Variants in GSG1L observed in about 807,000 individuals in gnomAD.
GSG1L encodes germ cell-specific gene 1-like protein.
GSG1L carries 24 observed loss-of-function variants against 42.1 expected under a neutral mutation model. The ratio of observed to expected loss-of-function variants is 0.57; its 90% CI spans 0.41 to 0.80. The LOEUF is 0.80. Among genes scored for constraint, GSG1L ranks in the 30% least tolerant of loss-of-function variants. The probability of loss-of-function intolerance (pLI) is 0.00; values close to 1 mark genes in which losing one functional copy is unlikely to be tolerated. For synonymous variants in GSG1L, 215 were observed against 203.5 expected (o/e 1.06, Z -0.48); for missense variants, 445 against 472.2 (o/e 0.94, Z 0.53).
At chr16:27,808,977 C>T (rs557793166) in intron 5 of GSG1L, among the ~76,000 whole-genome samples, 4 of 152,262 alleles carry the variant, frequency 2.6e-5, no homozygotes, top group South Asian at 2.1e-4. Context: ...GCCCGAGAAC[C>T]GGTGGGGTCA....
At chr16:28,013,405 A>T (rs537186028) in intron 1 of GSG1L, among the ~76,000 whole-genome samples, 1 of 140,216 alleles carries the variant, frequency 7.1e-6, no homozygotes, top group African/African-American at 2.6e-5. Context: ...TGCCCCTGCC[A>T]CAGGAAGAGA....
chr16:28,003,640 G>A (rs1471108614), intron 1 of GSG1L, among the ~76,000 whole-genome samples: 1 of 152,224 alleles, frequency 6.6e-6, no homozygotes, highest in African/African-American at 2.4e-5. Context: ...AGCTCCCAGA[G>A]GAGAAGAACT....
intron 4 of GSG1L, among the ~76,000 whole-genome samples, chr16:27,831,212 C>T (rs1386120146): frequency 2.6e-5 from 4 of 152,188 alleles, no homozygotes; most frequent in Non-Finnish European, 5.9e-5. Flanking sequence ...CTTGCCACCA[C>T]CCAGCCTGAG....
chr16:27,936,228 T>C (rs1403596028), intron 2 of GSG1L, among the ~76,000 whole-genome samples: 1 of 152,100 alleles, frequency 6.6e-6, no homozygotes, highest in Non-Finnish European at 1.5e-5. Context: ...TTTCACTTTA[T>C]AAGGTCACTG....
chr16:27,814,558 G>A (rs1358986069), intron 5 of GSG1L, among the ~76,000 whole-genome samples: 17 of 152,034 alleles, frequency 1.1e-4, no homozygotes, highest in Non-Finnish European at 5.9e-5. Context: ...GGTGGCGGGC[G>A]CCTATAATCC....
rs1459134221 is a variant in GSG1L, at chr16:27,788,247, T to C, written c.*3123A>G. On this transcript the variant is annotated 3_prime_UTR_variant, in exon 7 of 7. Transcript: ENST00000447459. The stretch of plus-strand genomic sequence containing the variant: ...TTGGTTCCTGAATCTGCCCGCATGG[T>C]CCCCTCCCCAGGGCAACTTTCCTAA... 3.9e-5 allele frequency: 6 copies of C among 152,080 alleles called. No individual in the cohort carries two copies. Among genetic ancestry groups the C allele is most frequent in the African/African-American group, 1.5e-4 (6 of 41,366 alleles). The allele number at this position is 152,080 out of a possible 1,614,324, so 9.4% of individuals were successfully genotyped here.
intron 1 of GSG1L, among the ~76,000 whole-genome samples, chr16:27,973,286 C>T (rs1485759049): frequency 2.6e-5 from 4 of 151,702 alleles, no homozygotes; most frequent in Non-Finnish European, 5.9e-5. Flanking sequence ...CCCGTCTCTA[C>T]TGAAAATACA....
chr16:27,813,949 G>A (rs1408758089), intron 5 of GSG1L, among the ~76,000 whole-genome samples: 4 of 152,128 alleles, frequency 2.6e-5, no homozygotes, highest in African/African-American at 4.8e-5. Flanking sequence ...GCATAATACC[G>A]GTGGTCATTT....
intron 3 of GSG1L, among the ~76,000 whole-genome samples, chr16:27,878,337 A>G (rs2141018353): frequency 6.6e-6 from 1 of 152,288 alleles, no homozygotes; most frequent in South Asian, 2.1e-4. Flanking sequence ...GGAAGCAAAC[A>G]TGCCCTTCTT....
intron 2 of GSG1L, among the ~76,000 whole-genome samples, chr16:27,920,922 C>G (rs1390314414): frequency 6.6e-6 from 1 of 152,142 alleles, no homozygotes; most frequent in Non-Finnish European, 1.5e-5. Context: ...AATAAGGGGC[C>G]AGATGGAAGC....
At chr16:27,855,120 A>G (rs1401958891) in intron 3 of GSG1L, among the ~76,000 whole-genome samples, 1 of 152,178 alleles carries the variant, frequency 6.6e-6, no homozygotes, top group African/African-American at 2.4e-5. Flanking sequence ...CTCGACCGTG[A>G]TGGTGGAATT....
At position 28,034,534 on chromosome 16, in the gene GSG1L, T is replaced by C. The variant is rs5008146; in HGVS notation, c.349+28542A>G. Reference sequence around the variant, plus strand: ...AGTATCTCTCTCAACTTCCCATTGTTCTTCTATCTGTCTCCTCTTTTTTTC... The same window carrying C: ...AGTATCTCTCTCAACTTCCCATTGTCCTTCTATCTGTCTCCTCTTTTTTTC... On this transcript the variant is annotated intron_variant, in intron 1 of 6. Transcript: ENST00000447459. Among the ~76,000 whole-genome samples the C allele has an allele frequency of 2.1e-3, 325 of 151,714 alleles. 1 individual carries two copies. Among genetic ancestry groups the C allele is most frequent in the African/African-American group, 7.2e-3 (296 of 41,392 alleles).
At chr16:27,882,197 T>A (rs994344772) in intron 3 of GSG1L, among the ~76,000 whole-genome samples, 2 of 152,296 alleles carry the variant, frequency 1.3e-5, no homozygotes, top group East Asian at 1.9e-4. Context: ...CCCCTGCACA[T>A]GCTCTCTTGC....
chr16:28,062,208 C>T (rs1596743394), intron 1 of GSG1L, among the ~76,000 whole-genome samples: 1 of 152,214 alleles, frequency 6.6e-6, no homozygotes, highest in East Asian at 1.9e-4. Flanking sequence ...CGGCAGCTGT[C>T]CCCTGGGCCC....
chr16:27,885,378 G>A lies in GSG1L; in HGVS notation c.398-740C>T, dbSNP rs528125308. Among the ~76,000 whole-genome samples, 70 of 152,116 alleles carry A rather than the reference G, an allele frequency of 4.6e-4. 1 individual carries two copies. The highest frequency in any genetic ancestry group is 1.3e-3 in the African/African-American group (53 of 41,506). On this transcript the variant is annotated intron_variant, in intron 2 of 6. Coordinates refer to ENST00000447459, the MANE Select transcript of GSG1L (RefSeq NM_001109763.2). The stretch of plus-strand genomic sequence containing the variant: ...TGCCCAGGCTGTTCTCAAACTCCTG[G>A]GCTCAAGCTATTTGCCTGCCTCAGC...
At chr16:27,794,497 A>T (rs543361023) in intron 6 of GSG1L, among the ~76,000 whole-genome samples, 55 of 151,744 alleles carry the variant, frequency 3.6e-4, no homozygotes, top group African/African-American at 1.2e-3. Flanking sequence ...CGCCCAGCTA[A>T]TTTTTTTGTA....
intron 2 of GSG1L, among the ~76,000 whole-genome samples, chr16:27,914,530 ATT>A (rs34120581): frequency 7.2e-6 from 1 of 139,596 alleles, no homozygotes. Flanking sequence ...TTTCTTTTCT[ATT>A]TTTTTTTTTT....
chr16:27,917,496 A>G (rs1646978954), intron 2 of GSG1L, among the ~76,000 whole-genome samples: 1 of 152,148 alleles, frequency 6.6e-6, no homozygotes, highest in African/African-American at 2.4e-5. Context: ...AGAATAAGCA[A>G]AAGAGGAGAC....
At chr16:28,011,553 T>C (rs1266761953) in intron 1 of GSG1L, among the ~76,000 whole-genome samples, 1 of 152,228 alleles carries the variant, frequency 6.6e-6, no homozygotes, top group African/African-American at 2.4e-5. Context: ...TGCTAGATCC[T>C]TCCTGTCGTC....
Sources: gnomAD v4.1 joint callset for allele counts (sites outside exome capture counted in the v4.1 genomes callset) on GRCh38, gnomAD v4.1.1 for gene constraint, MANE v1.5 for transcripts, NCBI Gene and HGNC (gene_info 2026-07-23, HGNC 2026-07-21) for gene names.